CDNF: variants seen among roughly 807,000 people sequenced by gnomAD.
CDNF encodes the protein ARMET-like protein 1.
CDNF carries 9 observed loss-of-function variants against 14.8 expected under a neutral mutation model. The ratio of observed to expected loss-of-function variants is 0.61; its 90% CI spans 0.37 to 1.06. CDNF has a LOEUF of 1.06. Ranked by LOEUF, CDNF falls within the 50% of genes least tolerant of loss-of-function variation. The probability of loss-of-function intolerance (pLI) is 0.01; values close to 1 mark genes in which losing one functional copy is unlikely to be tolerated. For synonymous variants in CDNF, 86 were observed against 87.2 expected, an observed-to-expected ratio of 0.99 and a Z score of 0.07; for missense variants, 228 against 228.4, an observed-to-expected ratio of 1.00 and a Z score of 0.01.
chr10:14,829,750 C>A (rs546847764), intron 1 of CDNF, among the ~76,000 whole-genome samples: 1 of 152,104 alleles, frequency 6.6e-6, no homozygotes, highest in African/African-American at 2.4e-5. Context: ...CTGCCTCAGC[C>A]CCCCAAGTAG....
chr10:14,820,174 G>GA lies in CDNF; in HGVS notation c.386-17dup, dbSNP rs761228708. Reference sequence around the variant, plus strand: ...AGTGTTTTTTCTAAATGGCAAAAAGGAAAAAAGCCAATTACAAAATAAATG... The same window carrying GA: ...AGTGTTTTTTCTAAATGGCAAAAAGGAAAAAAAGCCAATTACAAAATAAATG... On this transcript the variant is annotated splice_polypyrimidine_tract_variant and intron_variant, in intron 3 of 3. Coordinates refer to ENST00000465530, the MANE Select transcript of CDNF (RefSeq NM_001029954.3). 1.9e-6 allele frequency: 3 copies of GA among 1,601,238 alleles called. No homozygotes were observed. The highest frequency in any genetic ancestry group is 2.6e-6 in the Non-Finnish European group (3 of 1,176,372).
chr10:14,822,571 CA>C (rs879883884), intron 3 of CDNF, among the ~76,000 whole-genome samples: 280 of 135,670 alleles, frequency 2.1e-3, no homozygotes, highest in Admixed American at 3.2e-3. Context: ...GTGAGACTGT[CA>C]AAAAAAAAAA....
chr10:14,822,780 AT>A (rs1156868594), intron 3 of CDNF, among the ~76,000 whole-genome samples: 1 of 152,224 alleles, frequency 6.6e-6, no homozygotes, highest in African/African-American at 2.4e-5. Flanking sequence ...TTGTCAAATT[AT>A]TTGTCAAAAC....
rs761310614 is a variant in CDNF, at chr10:14,828,297, T to G, written c.116-25A>C. 3 of 1,611,420 alleles carry G rather than the reference T, an allele frequency of 1.9e-6. No homozygotes were observed. The East Asian group carries it at 6.7e-5, about 36-fold the overall frequency. On this transcript the variant is annotated intron_variant, in intron 1 of 3. Transcript: ENST00000465530. ...ACTGGAAGGAACAAATAAATATGTC[T>G]GCATGCACAACTTAACCACTACCAC...
intron 1 of CDNF, among the ~76,000 whole-genome samples, chr10:14,833,132 TACAGGCA>T (rs1833860123): frequency 6.6e-6 from 1 of 152,160 alleles, no homozygotes; most frequent in African/African-American, 2.4e-5. Context: ...AGTGCTGGAT[TACAGGCA>T]TGAGCCACCA....
At chr10:14,831,554 A>G (rs1833843856) in intron 1 of CDNF, among the ~76,000 whole-genome samples, 1 of 149,514 alleles carries the variant, frequency 6.7e-6, no homozygotes, top group African/African-American at 2.5e-5. Context: ...ATATATACAC[A>G]CACACACACA....
chr10:14,825,663 A>G (rs1274634464), intron 2 of CDNF, 43 bp from the exon 3 acceptor site: 10 of 1,593,472 alleles, frequency 6.3e-6, no homozygotes, highest in Non-Finnish European at 6.0e-6. Context: ...GACAATGAAG[A>G]CATTCAGTAT....
intron 2 of CDNF, among the ~76,000 whole-genome samples, chr10:14,826,372 G>A (rs147114205): frequency 1.9e-4 from 28 of 150,816 alleles, no homozygotes; most frequent in Non-Finnish European, 3.5e-4. Context: ...CAGAAGAAGA[G>A]CAGCAGCAGA....
intron 2 of CDNF, among the ~76,000 whole-genome samples, chr10:14,826,209 AAGAAGAAGAAGC>A (rs1434976412): frequency 6.7e-5 from 10 of 150,066 alleles, no homozygotes; most frequent in African/African-American, 2.3e-4. Context: ...GAAGAAGAAG[AAGAAGAAGAAGC>A]AGAAGCAGAA....
Position 14,826,086 on chromosome 10 carries a change from A to C in CDNF, c.244-466T>G, listed in dbSNP as rs1231760636. 2.2e-3 allele frequency among the ~76,000 whole-genome samples: 303 copies of C among 136,110 alleles called. 8 individuals carry two copies. Among genetic ancestry groups the C allele is most frequent in the African/African-American group, 7.9e-3 (284 of 35,862 alleles). 89.3% of individuals were successfully genotyped at this position (136,110 alleles called of 152,430 possible). ...GAAGAAGAAGAAGAAGAAGAAGAAG[A>C]AGAAGAAGAAGCAGCAGCAGCAGCA... On this transcript the variant is annotated intron_variant, in intron 2 of 3. Transcript: ENST00000465530.
chr10:14,820,717 T>C (rs1184146929), intron 3 of CDNF, among the ~76,000 whole-genome samples: 1 of 151,852 alleles, frequency 6.6e-6, no homozygotes, highest in African/African-American at 2.4e-5. Flanking sequence ...GGGAAACAGA[T>C]TGAGACTCTG....
At chr10:14,824,069 T>TA (rs1164466459) in intron 3 of CDNF, among the ~76,000 whole-genome samples, 1 of 152,232 alleles carries the variant, frequency 6.6e-6, no homozygotes, top group Admixed American at 6.5e-5. Context: ...TAAAATAACT[T>TA]AGAGGTGGAT....
chr10:14,821,431 C>A (rs1269923991), intron 3 of CDNF, among the ~76,000 whole-genome samples: 5 of 152,166 alleles, frequency 3.3e-5, no homozygotes, highest in Admixed American at 3.3e-4. Flanking sequence ...GCCAATAGTT[C>A]TTTACAGCAA....
chr10:14,828,687 G>T (rs1018964339), intron 1 of CDNF, among the ~76,000 whole-genome samples: 30 of 150,634 alleles, frequency 2.0e-4, no homozygotes. Flanking sequence ...AATGCTTCAT[G>T]ACAGTGGATT....
In CDNF at chr10:14,825,464, G is replaced by A. The variant is rs536621261; in HGVS notation, c.385+15C>T. Reference sequence around the variant, plus strand: ...CCATTGGACCTACTGGGAAAAACACGGGGCTGTGTTATACCATATTTCAGC... The same window carrying A: ...CCATTGGACCTACTGGGAAAAACACAGGGCTGTGTTATACCATATTTCAGC... On this transcript the variant is annotated intron_variant, in intron 3 of 3. Transcript: ENST00000465530. 1.2e-4 allele frequency: 196 copies of A among 1,609,338 alleles called. 2 individuals are homozygous for A. The South Asian group carries it at 2.0e-3, about 16-fold the overall frequency.
intron 2 of CDNF, among the ~76,000 whole-genome samples, chr10:14,826,052 GAAGAAGAA>G (rs1564313341): frequency 3.1e-5 from 4 of 129,816 alleles, no homozygotes; most frequent in Non-Finnish European, 4.8e-5. Flanking sequence ...AGAAGAAGAA[GAAGAAGAA>G]GAAGAAGAAG....
chr10:14,837,171 T>C (rs1448083795), intron 1 of CDNF, among the ~76,000 whole-genome samples: 2 of 152,226 alleles, frequency 1.3e-5, no homozygotes, highest in Non-Finnish European at 2.9e-5. Context: ...TTGCCTTTGC[T>C]AACAGATCTC....
intron 1 of CDNF, among the ~76,000 whole-genome samples, chr10:14,832,258 C>G (rs1319875934): frequency 6.6e-6 from 1 of 152,150 alleles, no homozygotes; most frequent in African/African-American, 2.4e-5. Flanking sequence ...ACAGCAAGTA[C>G]CAAGGCTCAA....
intron 3 of CDNF, among the ~76,000 whole-genome samples, chr10:14,823,100 CT>C (rs138155315): frequency 0.039 from 5,875 of 152,276 alleles, 383 homozygotes; most frequent in African/African-American, 0.13. Flanking sequence ...ACAAAGGTCC[CT>C]GTTTAATCTT....
Sources: gnomAD v4.1 joint callset for allele counts (sites outside exome capture counted in the v4.1 genomes callset) on GRCh38, gnomAD v4.1.1 for gene constraint, MANE v1.5 for transcripts, NCBI Gene and HGNC (gene_info 2026-07-23, HGNC 2026-07-21) for gene names.